Variants in VWA8 observed in about 807,000 individuals in gnomAD.
VWA8 encodes the protein von Willebrand factor A domain containing 8.
In VWA8, 221 loss-of-function variants were observed where a neutral mutation model predicts 241.5. That is an observed-to-expected ratio of 0.91 (90% CI 0.82 to 1.02). VWA8 has a LOEUF of 1.02. Ranked by LOEUF, VWA8 falls within the 50% of genes least tolerant of loss-of-function variation. The probability of loss-of-function intolerance (pLI) is 0.00; values close to 1 mark genes in which losing one functional copy is unlikely to be tolerated. For missense variants in VWA8, 2,322 were observed against 2,328.7 expected (o/e 1.00, Z 0.06); for synonymous variants, 852 against 827.1 (o/e 1.03, Z -0.52).
At chr13:41,648,523 T>C (rs1016366005) in intron 37 of VWA8, among the ~76,000 whole-genome samples, 15 of 152,222 alleles carry the variant, frequency 9.9e-5, no homozygotes, top group Admixed American at 9.8e-4. Flanking sequence ...TGTCAAAGAC[T>C]TAACTGTGAA....
At chr13:41,675,623 C>T (rs995914842) in intron 35 of VWA8, among the ~76,000 whole-genome samples, 1 of 152,014 alleles carries the variant, frequency 6.6e-6, no homozygotes, top group Non-Finnish European at 1.5e-5. Context: ...TAGGAAGCAA[C>T]AACAATGCAG....
chr13:41,961,055 G>A lies in VWA8; in HGVS notation c.-40C>T. The A allele has an allele frequency of 7.4e-7, 1 of 1,354,198 alleles. No homozygotes were observed. Among genetic ancestry groups the A allele is most frequent in the Non-Finnish European group, 9.4e-7 (1 of 1,058,880 alleles). 83.9% of individuals were successfully genotyped at this position (1,354,198 alleles called of 1,614,324 possible). A position where few individuals can be genotyped will look rare whatever the true frequency, so the allele number is the denominator to read the frequency against. On this transcript the variant is annotated 5_prime_UTR_variant, in exon 1 of 45. Coordinates refer to ENST00000379310, the MANE Select transcript of VWA8 (RefSeq NM_015058.2). ...TGTCGGGGACGGCGAGGGGGCTCGG[G>A]GATCGAGCGGCGTCCCGTGCAGGCA... is the stretch of plus-strand genomic sequence containing the variant.
intron 14 of VWA8, among the ~76,000 whole-genome samples, chr13:41,821,160 T>C (rs926859676): frequency 6.6e-6 from 1 of 152,154 alleles, no homozygotes; most frequent in African/African-American, 2.4e-5. Context: ...AATGAGAGCA[T>C]GCTAAATGGT....
chr13:41,719,488 C>G (rs1254484052), intron 26 of VWA8, 103 bp downstream of exon 26: 1 of 1,575,492 alleles, frequency 6.3e-7, no homozygotes, highest in East Asian at 2.3e-5. Flanking sequence ...GAAAAGCTTA[C>G]TCATGGAAAG....
At chr13:41,805,876 C>T (rs1870172552) in intron 17 of VWA8, among the ~76,000 whole-genome samples, 1 of 151,872 alleles carries the variant, frequency 6.6e-6, no homozygotes, top group South Asian at 2.1e-4. Context: ...ACCAAACTGA[C>T]CTGCCGGTAT....
chr13:41,619,376 C>T (rs1431565792), intron 37 of VWA8, among the ~76,000 whole-genome samples: 1 of 152,176 alleles, frequency 6.6e-6, no homozygotes, highest in Non-Finnish European at 1.5e-5. Flanking sequence ...TGGGCTGAGA[C>T]AATGGGGTTT....
At chr13:41,952,832 G>A (rs1878196945) in intron 1 of VWA8, among the ~76,000 whole-genome samples, 1 of 151,992 alleles carries the variant, frequency 6.6e-6, no homozygotes, top group African/African-American at 2.4e-5. Context: ...AGTACAAAAA[G>A]GGAACTATTT....
intron 17 of VWA8, among the ~76,000 whole-genome samples, chr13:41,790,459 A>C (rs944658918): frequency 6.6e-6 from 1 of 152,090 alleles, no homozygotes; most frequent in East Asian, 1.9e-4. Flanking sequence ...TGACAACTGC[A>C]TGCAAATTGA....
At chr13:41,714,803 A>T (rs1009087455) in intron 26 of VWA8, among the ~76,000 whole-genome samples, 2 of 151,918 alleles carry the variant, frequency 1.3e-5, no homozygotes, top group Non-Finnish European at 2.9e-5. Flanking sequence ...CAAGCATCTG[A>T]ATCTGTTATA....
intron 21 of VWA8, among the ~76,000 whole-genome samples, chr13:41,733,792 C>T (rs549225107): frequency 6.0e-4 from 91 of 152,280 alleles, no homozygotes; most frequent in African/African-American, 2.0e-3. Context: ...AACATGTCCA[C>T]ACTGTCCCTC....
At chr13:41,703,233 T>C in intron 27 of VWA8, 70 bp downstream of exon 27, 1 of 1,205,556 alleles carries the variant, frequency 8.3e-7, no homozygotes. Context: ...TTGTTTGAAT[T>C]ATCTCCAGGG....
At chr13:41,571,629 C>T (rs979680816) in intron 43 of VWA8, among the ~76,000 whole-genome samples, 5 of 152,218 alleles carry the variant, frequency 3.3e-5, no homozygotes, top group African/African-American at 9.7e-5. Context: ...GGATTGCAGA[C>T]GGAGTCTCGC....
chr13:41,753,722 T>G (rs977179692), intron 21 of VWA8, among the ~76,000 whole-genome samples: 2 of 152,188 alleles, frequency 1.3e-5, no homozygotes, highest in Non-Finnish European at 2.9e-5. Context: ...ACAGTTTTAC[T>G]TATCAATACT....
intron 42 of VWA8, among the ~76,000 whole-genome samples, chr13:41,585,042 A>G (rs2044407593): frequency 6.6e-6 from 1 of 152,102 alleles, no homozygotes; most frequent in Non-Finnish European, 1.5e-5. Context: ...GACATCCAGC[A>G]AGCAGGTCAT....
At chr13:41,890,490 T>A (rs115117821) in intron 5 of VWA8, among the ~76,000 whole-genome samples, 185 of 152,372 alleles carry the variant, frequency 1.2e-3, no homozygotes, top group African/African-American at 4.3e-3. Context: ...TGACATTACA[T>A]GAACCCATCT....
chr13:41,934,076 T>TA (rs1300462858), intron 2 of VWA8, among the ~76,000 whole-genome samples: 1 of 145,528 alleles, frequency 6.9e-6, no homozygotes. Context: ...TTATATCTGA[T>TA]AAAGTCCTTA....
At chr13:41,934,530 T>C (rs1877265714) in intron 2 of VWA8, among the ~76,000 whole-genome samples, 1 of 152,044 alleles carries the variant, frequency 6.6e-6, no homozygotes, top group Non-Finnish European at 1.5e-5. Context: ...TCTAAGAGCC[T>C]ATAACAACCC....
intron 9 of VWA8, among the ~76,000 whole-genome samples, chr13:41,872,649 C>G (rs1215760532): frequency 6.6e-6 from 1 of 152,046 alleles, no homozygotes; most frequent in Non-Finnish European, 1.5e-5. Flanking sequence ...GGGCTCTGTT[C>G]TGTTCCATTG....
Position 41,727,296 on chromosome 13 carries a change from C to A in VWA8, c.2656G>T (p.Gly886Ter). ...TGAATCACTACAACATTTTCTCTTCCATTCACATTAGCAGAATCTGAAAAA... is the reference window on the plus strand; with the variant it reads ...TGAATCACTACAACATTTTCTCTTCAATTCACATTAGCAGAATCTGAAAAA... ...RIVANSANVN[G>*]RENVVVIHPD... Residue 886 changes from glycine (G) to a stop codon, truncating the protein, a stop_gained, in exon 24 of 45, where the codon GGA (glycine) becomes TGA (stop). Transcript: ENST00000379310. LOFTEE classifies it high-confidence loss of function. The A allele has an allele frequency of 6.5e-7, 1 of 1,547,618 alleles. No individual in the cohort carries two copies. Among genetic ancestry groups the A allele is most frequent in the Non-Finnish European group, 8.7e-7 (1 of 1,146,052 alleles).
Sources: allele counts gnomAD v4.1 joint callset (sites outside exome capture counted in the v4.1 genomes callset), GRCh38; gene constraint gnomAD v4.1.1; transcripts MANE v1.5; gene names NCBI Gene and HGNC (gene_info 2026-07-23, HGNC 2026-07-21).